The following ARHGAP26 variants were observed in gnomAD, a reference collection of about 807,000 sequenced individuals.
ARHGAP26 encodes the protein rho GTPase-activating protein 26.
A neutral mutation model predicts 104.8 loss-of-function variants in ARHGAP26; 38 were observed. The ratio of observed to expected loss-of-function variants is 0.36; its 90% CI spans 0.28 to 0.48. ARHGAP26 has a LOEUF of 0.48. Ranked by LOEUF, ARHGAP26 falls within the 20% of genes least tolerant of loss-of-function variation. ARHGAP26 has a pLI of 0.99. For missense variants in ARHGAP26, 704 were observed against 947.9 expected, an observed-to-expected ratio of 0.74 and a Z score of 3.38; for synonymous variants, 341 against 340.0, an observed-to-expected ratio of 1.00 and a Z score of -0.03.
chr5:142,890,151 A>AAAATATATAT (rs1252590997), intron 5 of ARHGAP26, among the ~76,000 whole-genome samples: 6 of 32,422 alleles, frequency 1.9e-4, no homozygotes, highest in African/African-American at 2.4e-4. Context: ...AAAAAAAAAA[A>AAAATATATAT]ATATATATAT....
intron 11 of ARHGAP26, among the ~76,000 whole-genome samples, chr5:143,005,049 C>T (rs1370228617): frequency 1.3e-5 from 2 of 152,048 alleles, no homozygotes; most frequent in Non-Finnish European, 2.9e-5. Flanking sequence ...CTCTAGAGTT[C>T]CCTATAAAGC....
chr5:143,010,094 G>T (rs201695533), intron 11 of ARHGAP26, among the ~76,000 whole-genome samples: 1 of 152,214 alleles, frequency 6.6e-6, no homozygotes, highest in African/African-American at 2.4e-5. Flanking sequence ...GCAACTGTGA[G>T]ATCTGTAGAA....
intron 17 of ARHGAP26, among the ~76,000 whole-genome samples, chr5:143,096,507 G>GA (rs1414408825): frequency 1.3e-5 from 2 of 152,106 alleles, no homozygotes; most frequent in African/African-American, 4.8e-5. Flanking sequence ...GGTGTTTCAT[G>GA]AAAAAAGAGG....
At position 143,115,078 on chromosome 5, in the gene ARHGAP26, A is replaced by C. The variant is rs140375292; in HGVS notation, c.1539-5910A>C. On this transcript the variant is annotated intron_variant, in intron 17 of 22. Coordinates refer to ENST00000645722, the MANE Select transcript of ARHGAP26 (RefSeq NM_001135608.3). ...CCAGGTGTAGTGGCTTATGCCTGTAATTCCAGCACTTTGGGAGGCTGAGGC... is the reference window on the plus strand; with the variant it reads ...CCAGGTGTAGTGGCTTATGCCTGTACTTCCAGCACTTTGGGAGGCTGAGGC... Among the ~76,000 whole-genome samples the C allele has an allele frequency of 4.8e-3, 726 of 152,092 alleles. 5 individuals carry two copies. Among genetic ancestry groups the C allele is most frequent in the African/African-American group, 0.016 (657 of 41,476 alleles).
intron 17 of ARHGAP26, among the ~76,000 whole-genome samples, chr5:143,088,494 T>C (rs1235513663): frequency 6.6e-6 from 1 of 152,170 alleles, no homozygotes; most frequent in Non-Finnish European, 1.5e-5. Context: ...GGTTATGTCT[T>C]TATTATTTTC....
chr5:143,221,641 C>G (rs892487019), intron 22 of ARHGAP26, among the ~76,000 whole-genome samples: 1 of 152,130 alleles, frequency 6.6e-6, no homozygotes. Flanking sequence ...GGCACTCCCC[C>G]TCCTCCAAGT....
intron 1 of ARHGAP26, among the ~76,000 whole-genome samples, chr5:142,855,599 T>C (rs1167791674): frequency 6.6e-6 from 1 of 152,222 alleles, no homozygotes; most frequent in Admixed American, 6.5e-5. Flanking sequence ...CTGCCCGTTA[T>C]GTACTAGACA....
chr5:142,812,453 T>C (rs957980213), intron 1 of ARHGAP26, among the ~76,000 whole-genome samples: 1 of 152,020 alleles, frequency 6.6e-6, no homozygotes, highest in Non-Finnish European at 1.5e-5. Context: ...TTCTCGTGCC[T>C]CAGCCACCCG....
chr5:143,178,706 C>T (rs1803864733), intron 20 of ARHGAP26, among the ~76,000 whole-genome samples: 1 of 152,184 alleles, frequency 6.6e-6, no homozygotes, highest in African/African-American at 2.4e-5. Flanking sequence ...TTCACATTTC[C>T]TCACGATTGC....
At chr5:142,929,923 A>T (rs144369486) in intron 10 of ARHGAP26, among the ~76,000 whole-genome samples, 8 of 152,212 alleles carry the variant, frequency 5.3e-5, no homozygotes, top group African/African-American at 1.9e-4. Context: ...GGGCAGGGGG[A>T]ACAGGAAGGA....
chr5:143,062,516 TG>T (rs1786861384), intron 17 of ARHGAP26, among the ~76,000 whole-genome samples: 2 of 126,036 alleles, frequency 1.6e-5, no homozygotes, highest in East Asian at 2.5e-4. Flanking sequence ...TGTTGTAGCT[TG>T]GGTTTTTTTT....
intron 11 of ARHGAP26, among the ~76,000 whole-genome samples, chr5:142,933,530 C>A (rs531608030): frequency 1.3e-5 from 2 of 152,142 alleles, no homozygotes; most frequent in Non-Finnish European, 2.9e-5. Flanking sequence ...TCTCTTAGAG[C>A]CGAGAAGGGA....
At chr5:142,990,044 A>G (rs530005846) in intron 11 of ARHGAP26, among the ~76,000 whole-genome samples, 155 of 152,154 alleles carry the variant, frequency 1.0e-3, no homozygotes, top group African/African-American at 3.5e-3. Flanking sequence ...TATCCTGCAG[A>G]GTGTTTTCCA....
chr5:142,958,622 G>A (rs955080188), intron 11 of ARHGAP26, among the ~76,000 whole-genome samples: 15 of 152,266 alleles, frequency 9.9e-5, no homozygotes, highest in African/African-American at 3.1e-4. Flanking sequence ...AACTGTGATC[G>A]CACCACTGCA....
intron 19 of ARHGAP26, among the ~76,000 whole-genome samples, chr5:143,139,886 G>A (rs1302512269): frequency 1.3e-5 from 2 of 152,208 alleles, no homozygotes; most frequent in African/African-American, 4.8e-5. Flanking sequence ...TGTAGAAGGG[G>A]GAGCCAGAAG....
chr5:143,070,501 A>G (rs538092741), intron 17 of ARHGAP26, among the ~76,000 whole-genome samples: 59 of 152,346 alleles, frequency 3.9e-4, no homozygotes, highest in African/African-American at 1.3e-3. Flanking sequence ...CAGAAATTGA[A>G]GAGAATACAA....
chr5:143,179,203 A>G (rs978978862), intron 20 of ARHGAP26, among the ~76,000 whole-genome samples: 4 of 152,186 alleles, frequency 2.6e-5, no homozygotes, highest in Admixed American at 2.6e-4. Flanking sequence ...CATGATTATC[A>G]GACATTAATA....
chr5:143,210,370 A>G (rs770685943), intron 21 of ARHGAP26, among the ~76,000 whole-genome samples: 6 of 152,022 alleles, frequency 3.9e-5, no homozygotes, highest in Non-Finnish European at 7.4e-5. Context: ...TGATTCAATC[A>G]TCTCCCACCG....
chr5:143,052,457 A>C (rs1785178752), intron 14 of ARHGAP26, among the ~76,000 whole-genome samples: 2 of 151,322 alleles, frequency 1.3e-5, no homozygotes, highest in Non-Finnish European at 2.9e-5. Flanking sequence ...TGACAGAGTG[A>C]GACTCTGTCT....
Sources: gnomAD v4.1 joint callset for allele counts (sites outside exome capture counted in the v4.1 genomes callset) on GRCh38, gnomAD v4.1.1 for gene constraint, MANE v1.5 for transcripts, NCBI Gene and HGNC (gene_info 2026-07-23, HGNC 2026-07-21) for gene names.